UBR4: variants seen among roughly 807,000 people sequenced by gnomAD.
The protein encoded by UBR4 is ubiquitin protein ligase E3 component n-recognin 4.
In UBR4, 124 loss-of-function variants were observed where a neutral mutation model predicts 575.6. That is an observed-to-expected ratio of 0.22 (90% CI 0.19 to 0.25). UBR4 has a LOEUF of 0.25. Ranked by LOEUF, UBR4 falls within the 10% of genes least tolerant of loss-of-function variation. UBR4 has a pLI of 1.00. For synonymous variants in UBR4, 2,455 were observed against 2,473.7 expected, an observed-to-expected ratio of 0.99 and a Z score of 0.22; for missense variants, 4,818 against 6,478.8, an observed-to-expected ratio of 0.74 and a Z score of 8.80.
At chr1:19,145,506 GAGACACACACACACACACAC>G (rs2084733049) in intron 53 of UBR4, among the ~76,000 whole-genome samples, 1 of 43,378 alleles carries the variant, frequency 2.3e-5, no homozygotes, top group Non-Finnish European at 4.8e-5. Flanking sequence ...ATAAACCACT[GAGACACACACACACACACAC>G]ACACACACAC....
chr1:19,141,543 G>A lies in UBR4; in HGVS notation c.8311-19C>T. The stretch of plus-strand genomic sequence containing the variant: ...ACTCAGACTGCAGAGAGAAAGCTCT[G>A]TCAGTGTCCCATGGTAAGTGGTAAC... On this transcript the variant is annotated intron_variant, in intron 56 of 105. Transcript: ENST00000375254. The A allele has an allele frequency of 6.3e-7, 1 of 1,599,422 alleles. No homozygotes were observed. The highest frequency in any genetic ancestry group is 8.5e-7 in the Non-Finnish European group (1 of 1,172,448).
chr1:19,190,312 A>AAAAAAAAAAAATATATATATATAT, intron 11 of UBR4, among the ~76,000 whole-genome samples: 5 of 79,902 alleles, frequency 6.3e-5, no homozygotes, highest in Admixed American at 1.8e-4. Flanking sequence ...AAAAAAAAAA[A>AAAAAAAAAAAATATATATATATAT]ATATATATAT....
Position 19,157,746 on chromosome 1 carries a change from T to G in UBR4, c.5760+69A>C. ...CAGAGGGCTAATCCGAATGTGGTCA[T>G]CAATTTGTTTTGCTTAGCATTTAAG... On this transcript the variant is annotated intron_variant, in intron 40 of 105. Coordinates refer to ENST00000375254, the MANE Select transcript of UBR4 (RefSeq NM_020765.3). This position sits in a 1 kb window ranked among gnomAD's most constrained non-coding sequence, Gnocchi z 4.4. The G allele has an allele frequency of 6.4e-7, 1 of 1,558,346 alleles. No homozygotes were observed. The highest frequency in any genetic ancestry group is 8.7e-7 in the Non-Finnish European group (1 of 1,146,130).
chr1:19,198,675 C>T lies in UBR4; in HGVS notation c.514G>A (p.Asp172Asn). The T allele has an allele frequency of 6.2e-7, 1 of 1,614,088 alleles. No homozygotes were observed. Among genetic ancestry groups the T allele is most frequent in the Non-Finnish European group, 8.5e-7 (1 of 1,179,998 alleles). The change falls in exon 5 of 106, where the codon GAT (aspartate) becomes AAT (asparagine). Residue 172 changes from aspartate to asparagine, a missense_variant. Transcript: ENST00000375254. Reference sequence around the variant, plus strand: ...ACTGGTGAGGCCAGCTCTTTCTGATCTTCCACTGTAAAATACAAAGGCAAA... The same window carrying T: ...ACTGGTGAGGCCAGCTCTTTCTGATTTTCCACTGTAAAATACAAAGGCAAA... ...QTVKTLSDVE[D>N]QKELASPVSP...
chr1:19,144,211 C>T, intron 54 of UBR4, 120 bp from the exon 55 acceptor site: 1 of 838,530 alleles, frequency 1.2e-6, no homozygotes, highest in Non-Finnish European at 1.9e-6. Context: ...TCTACTCTCA[C>T]CTGCAACCCA....
chr1:19,195,402 C>T (rs1299406843), intron 8 of UBR4, among the ~76,000 whole-genome samples: 1 of 151,842 alleles, frequency 6.6e-6, no homozygotes, highest in Non-Finnish European at 1.5e-5. Flanking sequence ...TTCCTTAAAT[C>T]AAATCCCAAG....
At position 19,195,977 on chromosome 1, in the gene UBR4, C is replaced by T. The variant is rs1408623722; in HGVS notation, c.1018+1164G>A. 1.1e-3 allele frequency among the ~76,000 whole-genome samples: 84 copies of T among 73,636 alleles called. 1 individual carries two copies. The highest frequency in any genetic ancestry group is 5.4e-3 in the Admixed American group (36 of 6,688). The allele number at this position is 73,636 out of a possible 152,430, so 48.3% of individuals were successfully genotyped here. On this transcript the variant is annotated intron_variant, in intron 8 of 105. Coordinates refer to ENST00000375254, the MANE Select transcript of UBR4 (RefSeq NM_020765.3). Reference sequence around the variant, plus strand: ...ACCTACAGACTTACTTATACACACACACACACACACACACACACACACACA... The same window carrying T: ...ACCTACAGACTTACTTATACACACATACACACACACACACACACACACACA...
In UBR4 at chr1:19,088,845, C is replaced by T. The variant is rs781064408; in HGVS notation, c.14344G>A (p.Asp4782Asn). The T allele has an allele frequency of 5.0e-6, 8 of 1,614,122 alleles. No homozygotes were observed. Among genetic ancestry groups the T allele is most frequent in the Non-Finnish European group, 5.9e-6 (7 of 1,179,994 alleles). The stretch of plus-strand genomic sequence containing the variant: ...GCCCGGGTCTCCCTGCGGGCTGCGT[C>T]AATCTTCTTGTTTACGTCAGGGTGT... ...REHPDVNKKIDAARRETRAEK... is the reference protein window; with the variant it reads ...REHPDVNKKINAARRETRAEK... Residue 4782 changes from aspartate to asparagine, a missense_variant, in exon 98 of 106, where the codon GAC becomes AAC. Physicochemically the swap from Asp to Asn is conservative, Grantham distance 23. This residue lies in a region of UBR4 where 196 missense variants were observed against 386.8 expected (regional missense o/e 0.51). Coordinates refer to ENST00000375254, the MANE Select transcript of UBR4 (RefSeq NM_020765.3). The surrounding 1 kb of genome is among the most constrained non-coding windows in gnomAD (Gnocchi z 4.0).
In UBR4 at chr1:19,160,096, C is replaced by T. The variant is rs372239033; in HGVS notation, c.5577+15G>A. 32 of 1,604,518 alleles carry T rather than the reference C, an allele frequency of 2.0e-5. No individual in the cohort carries two copies. Among genetic ancestry groups the T allele is most frequent in the Non-Finnish European group, 2.6e-5 (30 of 1,175,070 alleles). ...TTCCCACAGCCACCAAACATCATGG[C>T]CCCAAGACACTCACCATCAGCTGGT... On this transcript the variant is annotated intron_variant, in intron 39 of 105. Coordinates refer to ENST00000375254, the MANE Select transcript of UBR4 (RefSeq NM_020765.3).
chr1:19,151,004 G>T, intron 48 of UBR4: 1 of 595,124 alleles, frequency 1.7e-6, no homozygotes, highest in Non-Finnish European at 2.9e-6. Flanking sequence ...AGCCGATTAC[G>T]TCTCCTACTC....
intron 97 of UBR4, among the ~76,000 whole-genome samples, chr1:19,090,687 C>T (rs1017541248): frequency 6.6e-6 from 1 of 152,116 alleles, no homozygotes; most frequent in Non-Finnish European, 1.5e-5. Flanking sequence ...AACACAGGAC[C>T]AGCTACACAA....
chr1:19,176,083 A>G (rs548921244), intron 20 of UBR4, among the ~76,000 whole-genome samples: 142 of 151,396 alleles, frequency 9.4e-4, no homozygotes, highest in Middle Eastern at 3.5e-3. Flanking sequence ...CACCATGCTC[A>G]GCCTCAATTT....
rs745756140 is a variant in UBR4, at chr1:19,124,579, G to A, written c.9550C>T (p.Pro3184Ser). 1 of 1,614,232 alleles carries A rather than the reference G, an allele frequency of 6.2e-7. No individual in the cohort carries two copies. The highest frequency in any genetic ancestry group is 1.3e-5 in the African/African-American group (1 of 75,064). ...ITDTNSRIPP[P>S]VFDHSWFYFL... ...TAAAACCACGAGTGGTCAAAGACAGGAGGTGGGATTCGAGAATTGGTGTCA... is the reference window on the plus strand; with the variant it reads ...TAAAACCACGAGTGGTCAAAGACAGAAGGTGGGATTCGAGAATTGGTGTCA... The change falls in exon 65 of 106, where the codon CCT (proline) becomes TCT (serine). Residue 3184 changes from proline to serine, a missense_variant. Pro to Ser is a moderately conservative substitution (Grantham distance 74). Coordinates refer to ENST00000375254, the MANE Select transcript of UBR4 (RefSeq NM_020765.3).
intron 1 of UBR4, among the ~76,000 whole-genome samples, chr1:19,207,225 C>T (rs1037179684): frequency 6.6e-6 from 1 of 152,256 alleles, no homozygotes; most frequent in African/African-American, 2.4e-5. Flanking sequence ...AGCTAGACAA[C>T]AAGGCCCACC....
intron 30 of UBR4, 114 bp from the exon 31 acceptor site, chr1:19,165,463 T>C (rs530597316): frequency 3.2e-5 from 35 of 1,077,272 alleles, no homozygotes; most frequent in African/African-American, 2.4e-4. Flanking sequence ...TATGAGTCAA[T>C]AGCACAAGGT....
intron 103 of UBR4, 40 bp from the exon 104 acceptor site, chr1:19,078,106 G>A: frequency 6.3e-7 from 1 of 1,598,598 alleles, no homozygotes; most frequent in African/African-American, 1.3e-5. Context: ...GAAGTCCCTA[G>A]GAGGATACTC....
At chr1:19,174,925 A>G in intron 21 of UBR4, 29 bp downstream of exon 21, 1 of 1,599,574 alleles carries the variant, frequency 6.3e-7, no homozygotes, top group African/African-American at 1.3e-5. Flanking sequence ...TGACCCACAT[A>G]TAAAATGCAG....
intron 83 of UBR4, 141 bp downstream of exon 83, chr1:19,106,428 A>G: frequency 8.7e-7 from 1 of 1,145,422 alleles, no homozygotes; most frequent in Non-Finnish European, 1.2e-6. Flanking sequence ...ACCTGTACTC[A>G]CTCCCTATTT....
Position 19,076,770 on chromosome 1 carries a change from C to T in UBR4, c.15457G>A (p.Glu5153Lys). Residue 5153 changes from glutamate to lysine, a missense_variant, in exon 105 of 106, where the codon GAG becomes AAG. Coordinates refer to ENST00000375254, the MANE Select transcript of UBR4 (RefSeq NM_020765.3). ...KTFQEEFMPV[E>K]TFSEFLDVAG... ...ACATCGAGGAACTCTGAGAAGGTCTCCACTGGCATGAACTCCTCCTGGAAG... is the reference window on the plus strand; with the variant it reads ...ACATCGAGGAACTCTGAGAAGGTCTTCACTGGCATGAACTCCTCCTGGAAG... 1.2e-6 allele frequency: 2 copies of T among 1,614,182 alleles called. No homozygotes were observed. The highest frequency in any genetic ancestry group is 4.5e-5 in the East Asian group (2 of 44,882).
Sources: gnomAD v4.1 joint callset for allele counts (sites outside exome capture counted in the v4.1 genomes callset) on GRCh38, gnomAD v4.1.1 for gene constraint, gnomAD v4.1.1 regional missense constraint, Gnocchi (gnomAD v3.1) non-coding constraint, MANE v1.5 for transcripts, NCBI Gene and HGNC (gene_info 2026-07-23, HGNC 2026-07-21) for gene names.